The following ARSL variants were observed in gnomAD, a reference collection of about 807,000 sequenced individuals.
The protein encoded by ARSL is arylsulfatase E (chondrodysplasia punctata 1).
Under a neutral mutation model 31.1 loss-of-function variants are expected in ARSL, and 4 were observed. The ratio of observed to expected loss-of-function variants is 0.13; its 90% CI spans 0.06 to 0.29. The LOEUF is 0.29. Ranked by LOEUF, ARSL falls within the 10% of genes least tolerant of loss-of-function variation. The pLI, the probability that ARSL is intolerant of heterozygous loss-of-function variation, is 1.00. For missense variants in ARSL, 312 were observed against 497.8 expected, an observed-to-expected ratio of 0.63 and a Z score of 3.55; for synonymous variants, 198 against 209.9, an observed-to-expected ratio of 0.94 and a Z score of 0.49.
intron 5 of ARSL, among the ~76,000 whole-genome samples, chrX:2,952,321 C>T (rs188927612): frequency 7.4e-4 from 82 of 111,056 alleles, no homozygotes; most frequent in Non-Finnish European, 1.2e-3. Context: ...AGTTGATGTT[C>T]CTTTTCTTTC....
intron 1 of ARSL, among the ~76,000 whole-genome samples, chrX:2,961,831 G>C (rs1422714449): frequency 9.6e-6 from 1 of 104,358 alleles, no homozygotes; most frequent in East Asian, 3.0e-4. Flanking sequence ...CTCTTAACCT[G>C]AAGATTTCTT....
chrX:2,939,221 G>T (rs1258848484), intron 8 of ARSL, among the ~76,000 whole-genome samples: 1 of 111,325 alleles, frequency 9.0e-6, no homozygotes, highest in Non-Finnish European at 1.9e-5. Context: ...AGAGGAGAAG[G>T]CCACATAGAG....
intron 7 of ARSL, among the ~76,000 whole-genome samples, chrX:2,944,992 TGAA>T (rs1249032131): frequency 2.2e-4 from 22 of 98,106 alleles, no homozygotes; most frequent in Middle Eastern, 5.4e-3. Context: ...AGGAGGAATA[TGAA>T]GAAGAAGAAT....
At chrX:2,955,389 C>A in intron 4 of ARSL, 27 bp downstream of exon 4, 1 of 1,210,057 alleles carries the variant, frequency 8.3e-7, no homozygotes, top group East Asian at 3.0e-5. Context: ...AGGCTGCACC[C>A]TAGTGCAGTT....
At chrX:2,954,824 AG>A (rs1426677945) in intron 4 of ARSL, among the ~76,000 whole-genome samples, 5 of 111,352 alleles carry the variant, frequency 4.5e-5, no homozygotes, top group Non-Finnish European at 7.5e-5. Context: ...AGAGGGAGTG[AG>A]GGGAAAGCAT....
chrX:2,958,335 G>A lies in ARSL; in HGVS notation c.124C>T (p.Leu42Phe). The A allele has an allele frequency of 8.2e-7, 1 of 1,212,136 alleles. No individual in the cohort carries two copies. The change falls in exon 3 of 11, where the codon CTT becomes TTT. Residue 42 changes from leucine to phenylalanine, a missense_variant. Coordinates refer to ENST00000381134, the MANE Select transcript of ARSL (RefSeq NM_000047.3). ...ATGCCAAGGTCGTCCGCCATCAGAA[G>A]AAGGATGTTCGGTCGGGAGGCGGAA... Reference protein sequence around the residue: ...DISASRPNILLLMADDLGIGD... With the variant: ...DISASRPNILFLMADDLGIGD...
At chrX:2,939,439 C>A (rs1449434472) in intron 8 of ARSL, among the ~76,000 whole-genome samples, 3 of 112,213 alleles carry the variant, frequency 2.7e-5, no homozygotes. Flanking sequence ...TACTGACATT[C>A]TTGATGGCAC....
At chrX:2,968,115 G>A (rs775624478), upstream of ARSL, 64 of 1,153,005 alleles carry the variant, frequency 5.6e-5, no homozygotes, top group Non-Finnish European at 7.0e-5. Flanking sequence ...GCAAAAGCCG[G>A]CCTGTAAGAA....
At chrX:2,944,314 CAT>C (rs2089333262) in intron 7 of ARSL, among the ~76,000 whole-genome samples, 1 of 108,852 alleles carries the variant, frequency 9.2e-6, no homozygotes, top group East Asian at 2.9e-4. Context: ...ATTAGCCAGG[CAT>C]GGTGGCGGGT....
At chrX:2,938,924 G>T (rs2089242062) in intron 8 of ARSL, among the ~76,000 whole-genome samples, 1 of 110,379 alleles carries the variant, frequency 9.1e-6, no homozygotes, top group Admixed American at 9.7e-5. Context: ...AGACTGGAGT[G>T]ATGCGGCCAC....
intron 1 of ARSL, among the ~76,000 whole-genome samples, chrX:2,961,420 T>C (rs1473349673): frequency 9.0e-6 from 1 of 111,584 alleles, no homozygotes; most frequent in African/African-American, 3.3e-5. Flanking sequence ...CAAATTCCTA[T>C]CTAAGGGGTC....
At chrX:2,943,483 T>TGTA (rs1015030316) in intron 7 of ARSL, among the ~76,000 whole-genome samples, 1 of 110,623 alleles carries the variant, frequency 9.0e-6, no homozygotes, top group African/African-American at 3.3e-5. Context: ...GGCTCACACT[T>TGTA]GTAATCCCAG....
At chrX:2,939,903 C>T (rs1390517509) in intron 8 of ARSL, among the ~76,000 whole-genome samples, 2 of 85,029 alleles carry the variant, frequency 2.4e-5, no homozygotes, top group African/African-American at 9.4e-5. Context: ...CAGAGTCTTA[C>T]TCTGTCACCC....
At chrX:2,941,496 C>T (rs1354202944) in intron 8 of ARSL, among the ~76,000 whole-genome samples, 1 of 111,392 alleles carries the variant, frequency 9.0e-6, no homozygotes, top group African/African-American at 3.3e-5. Flanking sequence ...CTCAAGTGAT[C>T]CACCCGCCTT....
rs1470792802 is a variant in ARSL at position 2,949,792 on chromosome X, CTGTT to C, written c.431-69_431-66del. 9.4e-5 allele frequency: 104 copies of C among 1,100,784 alleles called. No individual in the cohort carries two copies. In the East Asian group the frequency reaches 1.0e-3, roughly 11 times the overall value. The allele number at this position is 1,100,784 out of a possible 1,213,427, so 90.7% of individuals were successfully genotyped here. On this transcript the variant is annotated intron_variant, in intron 5 of 10. Transcript: ENST00000381134. The stretch of plus-strand genomic sequence containing the variant: ...GCATAACTGGACATGTCGATATTGA[CTGTT>C]TGTCACATTCCTGATACTCTGTTAG...
intron 1 of ARSL, among the ~76,000 whole-genome samples, chrX:2,961,258 C>T (rs1302620471): frequency 9.0e-6 from 1 of 111,128 alleles, no homozygotes. Context: ...AGGGAGAGCC[C>T]AGGGTGTAGA....
intron 6 of ARSL, 39 bp from the exon 7 acceptor site, chrX:2,946,173 G>T: frequency 8.4e-7 from 1 of 1,184,869 alleles, no homozygotes; most frequent in Non-Finnish European, 1.1e-6. Context: ...GACTTTTTTG[G>T]TAAAACAGAG....
chrX:2,935,141 C>T lies in ARSL; in HGVS notation c.1461G>A (p.Glu487=), dbSNP rs993209695. 10 of 1,209,686 alleles carry T rather than the reference C, an allele frequency of 8.3e-6. No homozygotes were observed. The African/African-American group carries it at 1.6e-4, about 19-fold the overall frequency. ...VHFVTPVFQP[E]GAGACYGRKV... ...TTCTTCCATAGCAGGCACCGGCTCC[C>T]TCTGGCTGGAACACAGGCGTCACAA... The change falls in exon 11 of 11, where the codon GAG becomes GAA. Residue 487 remains glutamate, a synonymous_variant. Transcript: ENST00000381134.
In ARSL at chrX:2,963,533, CTTTTT is replaced by C. The variant is rs769134287; in HGVS notation, c.-21+686_-21+690del. 1.2e-4 allele frequency among the ~76,000 whole-genome samples: 7 copies of C among 59,782 alleles called. No individual in the cohort carries two copies. The East Asian group carries it at 1.7e-3, about 14-fold the overall frequency. 51.9% of individuals were successfully genotyped at this position (59,782 alleles called of 115,157 possible). On this transcript the variant is annotated intron_variant, in intron 1 of 10. Coordinates refer to ENST00000381134, the MANE Select transcript of ARSL (RefSeq NM_000047.3). Reference sequence around the variant, plus strand: ...TTTTTCTAATTTTTCTTTTCTTTTCCTTTTTTTTTTTTTTTTTTTTTTTTTGAGAT... The same window carrying C: ...TTTTTCTAATTTTTCTTTTCTTTTCCTTTTTTTTTTTTTTTTTTTTGAGAT...
Sources: allele counts gnomAD v4.1 joint callset (sites outside exome capture counted in the v4.1 genomes callset), GRCh38; gene constraint gnomAD v4.1.1; transcripts MANE v1.5; gene names NCBI Gene and HGNC (gene_info 2026-07-23, HGNC 2026-07-21).